The following FOXP2 variants were observed in gnomAD, a reference collection of about 807,000 sequenced individuals.
FOXP2 encodes forkhead box protein P2.
In FOXP2, 12 loss-of-function variants were observed where a neutral mutation model predicts 115.8. The observed-to-expected ratio is 0.10, with a 90% confidence interval of 0.07 to 0.17. The LOEUF (loss-of-function observed/expected upper bound fraction) is 0.17. Among genes scored for constraint, FOXP2 ranks in the 10% least tolerant of loss-of-function variants. The pLI is 1.00. For missense variants in FOXP2, 629 were observed against 843.5 expected (o/e 0.75, Z 3.15); for synonymous variants, 328 against 297.7 (o/e 1.10, Z -1.05).
chr7:114,176,298 T>TTCTGTCTTTCTTTCTTTCTCTC (rs368923204), intron 1 of FOXP2, among the ~76,000 whole-genome samples: 1 of 76,516 alleles, frequency 1.3e-5, no homozygotes, highest in African/African-American at 5.4e-5. Flanking sequence ...CTTTCTTTCT[T>TTCTGTCTTTCTTTCTTTCTCTC]TCTCTCTCTC....
intron 14 of FOXP2, 29 bp downstream of exon 14, chr7:114,662,215 TATCCTGC>T: frequency 6.2e-7 from 1 of 1,611,376 alleles, no homozygotes; most frequent in Non-Finnish European, 8.5e-7. Context: ...TGTAATCCTG[TATCCTGC>T]ATCCACCAGG....
At chr7:114,615,529 A>G (rs1049153625) in intron 3 of FOXP2, among the ~76,000 whole-genome samples, 1 of 152,160 alleles carries the variant, frequency 6.6e-6, no homozygotes, top group Non-Finnish European at 1.5e-5. Flanking sequence ...CTTGGATATT[A>G]TAATACCATT....
chr7:114,566,973 T>C (rs1287306761), intron 3 of FOXP2, among the ~76,000 whole-genome samples: 1 of 151,964 alleles, frequency 6.6e-6, no homozygotes, highest in East Asian at 1.9e-4. Context: ...ACCTTATCAC[T>C]AAATATGAAC....
Position 114,693,410 on chromosome 7 carries a change from T to C in FOXP2, c.*3484T>C, listed in dbSNP as rs1339739597. 2 of 453,542 alleles carry C rather than the reference T, an allele frequency of 4.4e-6. No homozygotes were observed. The highest frequency in any genetic ancestry group is 1.6e-5 in the South Asian group (1 of 64,394). The allele number at this position is 453,542 out of a possible 1,614,324, so 28.1% of individuals were successfully genotyped here. A position where few individuals can be genotyped will look rare whatever the true frequency, so the allele number is the denominator to read the frequency against. On this transcript the variant is annotated 3_prime_UTR_variant, in exon 17 of 17. Coordinates refer to ENST00000350908, the MANE Select transcript of FOXP2 (RefSeq NM_014491.4). ...TTCAGTCGCAAAATCCAATATGATA[T>C]TTTGTAAAGTTTTCAAGTTGGACAT... is the stretch of plus-strand genomic sequence containing the variant.
At chr7:114,673,528 T>C (rs1172033287) in intron 16 of FOXP2, among the ~76,000 whole-genome samples, 1 of 152,214 alleles carries the variant, frequency 6.6e-6, no homozygotes, top group East Asian at 1.9e-4. Context: ...CTAAATCATG[T>C]AAAATCTAGT....
intron 2 of FOXP2, among the ~76,000 whole-genome samples, chr7:114,336,607 A>G (rs1169027010): frequency 6.6e-6 from 1 of 151,606 alleles, no homozygotes; most frequent in Non-Finnish European, 1.5e-5. Context: ...CTGGTGTCCT[A>G]TCACCTCCTT....
At chr7:114,113,130 C>G (rs934166103) in intron 1 of FOXP2, among the ~76,000 whole-genome samples, 1 of 152,054 alleles carries the variant, frequency 6.6e-6, no homozygotes, top group Admixed American at 6.6e-5. Flanking sequence ...TTTGTAGTCT[C>G]TTTAGTTATC....
At chr7:114,612,265 T>C (rs2129318640) in intron 3 of FOXP2, among the ~76,000 whole-genome samples, 2 of 152,112 alleles carry the variant, frequency 1.3e-5, no homozygotes, top group African/African-American at 4.8e-5. Context: ...CCAGCTGCCT[T>C]GATGGAAGAG....
intron 2 of FOXP2, among the ~76,000 whole-genome samples, chr7:114,322,237 G>C (rs2129181555): frequency 1.3e-5 from 2 of 151,882 alleles, no homozygotes; most frequent in Middle Eastern, 6.8e-3. Context: ...TGCTCAGGCT[G>C]CTGTCACACT....
chr7:114,416,074 A>G (rs1039265922), intron 1 of FOXP2, among the ~76,000 whole-genome samples: 7 of 152,038 alleles, frequency 4.6e-5, no homozygotes. Flanking sequence ...TCAGTTAAAA[A>G]GGTAGCTTGG....
chr7:114,624,916 C>T (rs1375626510), intron 3 of FOXP2, among the ~76,000 whole-genome samples: 1 of 150,958 alleles, frequency 6.6e-6, no homozygotes, highest in East Asian at 1.9e-4. Flanking sequence ...TAGGATAATA[C>T]CTAAATTTTT....
chr7:114,662,241 ATACTT>A (rs1479230864), intron 14 of FOXP2, 55 bp downstream of exon 14: 2 of 1,607,888 alleles, frequency 1.2e-6, no homozygotes, highest in Admixed American at 3.3e-5. Flanking sequence ...GGAAAAGTAA[ATACTT>A]TAAGTTGGGG....
At chr7:114,562,085 C>T (rs1412205344) in intron 3 of FOXP2, among the ~76,000 whole-genome samples, 2 of 152,184 alleles carry the variant, frequency 1.3e-5, no homozygotes, top group Non-Finnish European at 2.9e-5. Flanking sequence ...CCCACCTGGA[C>T]TTCTTCCTGA....
At chr7:114,605,075 C>T (rs1413724305) in intron 3 of FOXP2, among the ~76,000 whole-genome samples, 1 of 152,112 alleles carries the variant, frequency 6.6e-6, no homozygotes, top group Admixed American at 6.5e-5. Flanking sequence ...TATTAACAAA[C>T]CCACAGTATG....
At chr7:114,556,227 GC>G (rs1439387587) in intron 3 of FOXP2, among the ~76,000 whole-genome samples, 1 of 152,124 alleles carries the variant, frequency 6.6e-6, no homozygotes, top group African/African-American at 2.4e-5. Context: ...GGGGTAAGAG[GC>G]TTATAGGGAC....
chr7:114,158,498 T>C (rs1792731886), upstream of FOXP2, among the ~76,000 whole-genome samples: 1 of 152,090 alleles, frequency 6.6e-6, no homozygotes, highest in Admixed American at 6.6e-5. Context: ...CCTACATTCC[T>C]ACAAAGCAGT....
At chr7:114,156,877 T>C (rs1175276257) in intron 1 of FOXP2, among the ~76,000 whole-genome samples, 1 of 152,154 alleles carries the variant, frequency 6.6e-6, no homozygotes, top group East Asian at 1.9e-4. Context: ...AATTTTAATG[T>C]TGACTTAGAA....
chr7:114,195,783 A>T (rs1020413050), intron 1 of FOXP2, among the ~76,000 whole-genome samples: 2 of 152,070 alleles, frequency 1.3e-5, no homozygotes, highest in African/African-American at 4.8e-5. Flanking sequence ...TGTTGACTGG[A>T]TTTTAGTGTG....
intron 1 of FOXP2, among the ~76,000 whole-genome samples, chr7:114,219,279 A>T (rs1322023270): frequency 6.6e-6 from 1 of 152,138 alleles, no homozygotes; most frequent in African/African-American, 2.4e-5. Context: ...TTGTAAGGAG[A>T]TCATAAGGTC....
Sources: gnomAD v4.1 joint callset for allele counts (sites outside exome capture counted in the v4.1 genomes callset) on GRCh38, gnomAD v4.1.1 for gene constraint, MANE v1.5 for transcripts, NCBI Gene and HGNC (gene_info 2026-07-23, HGNC 2026-07-21) for gene names.